Variants in CERS6 observed in about 807,000 individuals in gnomAD.
The protein encoded by CERS6 is ceramide synthase 6.
In CERS6, 26 loss-of-function variants were observed where a neutral mutation model predicts 56.8. The ratio of observed to expected loss-of-function variants is 0.46; its 90% confidence interval spans 0.34 to 0.63. CERS6 has a LOEUF of 0.63. Ranked by LOEUF, CERS6 falls within the 30% of genes least tolerant of loss-of-function variation. CERS6 has a pLI of 0.01. For missense variants in CERS6, 415 were observed against 467.5 expected, an observed-to-expected ratio of 0.89 and a Z score of 1.04; for synonymous variants, 164 against 173.3, an observed-to-expected ratio of 0.95 and a Z score of 0.42.
intron 2 of CERS6, among the ~76,000 whole-genome samples, chr2:168,550,183 T>C (rs1695541695): frequency 1.3e-5 from 2 of 152,196 alleles, no homozygotes; most frequent in Non-Finnish European, 2.9e-5. Context: ...TTGTTTGTTG[T>C]TTTTGGTTTT....
chr2:168,520,339 G>A (rs978342044), intron 1 of CERS6, among the ~76,000 whole-genome samples: 2 of 151,914 alleles, frequency 1.3e-5, no homozygotes, highest in Non-Finnish European at 2.9e-5. Context: ...CTCCTTTGTT[G>A]CGTGCATAGT....
At chr2:168,761,048 C>T (rs1422334726) in intron 8 of CERS6, among the ~76,000 whole-genome samples, 2 of 152,184 alleles carry the variant, frequency 1.3e-5, no homozygotes, top group Admixed American at 1.3e-4. Context: ...TGAGCCACCG[C>T]GCCCGGCCGG....
rs181278520 is a variant in CERS6 at position 168,571,938 on chromosome 2, A to G, written c.407+10616A>G. 1.2e-4 allele frequency among the ~76,000 whole-genome samples: 18 copies of G among 152,306 alleles called. No homozygotes were observed. In the East Asian group the frequency reaches 3.5e-3, roughly 29 times the overall value. ...CTATTTCTTATATTGCCTATTTACA[A>G]TGTCCTAGCAGTGGACAAGGGAGGC... On this transcript the variant is annotated intron_variant, in intron 3 of 9. Coordinates refer to ENST00000305747, the MANE Select transcript of CERS6 (RefSeq NM_203463.3).
intron 1 of CERS6, among the ~76,000 whole-genome samples, chr2:168,520,626 T>TTTTTTTTTTTTTTTTTTTTTTTTTTTTG (rs1694961398): frequency 1.1e-5 from 1 of 93,230 alleles, no homozygotes; most frequent in Non-Finnish European, 2.3e-5. Flanking sequence ...TTTTTTTTTT[T>TTTTTTTTTTTTTTTTTTTTTTTTTTTTG]TGAGAAGCAG....
chr2:168,532,726 T>C (rs1361685319), intron 1 of CERS6, among the ~76,000 whole-genome samples: 2 of 152,204 alleles, frequency 1.3e-5, no homozygotes, highest in Non-Finnish European at 2.9e-5. Flanking sequence ...GCATTAAAAA[T>C]TTGAACTCTC....
intron 6 of CERS6, among the ~76,000 whole-genome samples, chr2:168,714,672 C>T (rs1456862744): frequency 6.6e-6 from 1 of 152,172 alleles, no homozygotes; most frequent in East Asian, 1.9e-4. Context: ...CTGATGTCCT[C>T]CTATCTCCTG....
At chr2:168,609,430 G>A (rs189128477) in intron 3 of CERS6, among the ~76,000 whole-genome samples, 97 of 152,228 alleles carry the variant, frequency 6.4e-4, no homozygotes, top group Non-Finnish European at 1.1e-3. Context: ...TACTAGAAGA[G>A]GAAAGATAAA....
chr2:168,478,134 G>C (rs1038306159), intron 1 of CERS6, among the ~76,000 whole-genome samples: 3 of 151,556 alleles, frequency 2.0e-5, no homozygotes, highest in South Asian at 2.1e-4. Context: ...TTTCCTTAGA[G>C]TACTTTCTCT....
Position 168,588,173 on chromosome 2 carries a change from G to A in CERS6, c.407+26851G>A, listed in dbSNP as rs181495248. Among the ~76,000 whole-genome samples, 712 of 150,392 alleles carry A rather than the reference G, an allele frequency of 4.7e-3. 4 individuals are homozygous for A. The highest frequency in any genetic ancestry group is 8.6e-3 in the Non-Finnish European group (583 of 67,852). Reference sequence around the variant, plus strand: ...GGCCTTAAGTATTCCTCCTGTCTCAGCCTTCCAAAATGTTGGGATTACAGG... The same window carrying A: ...GGCCTTAAGTATTCCTCCTGTCTCAACCTTCCAAAATGTTGGGATTACAGG... On this transcript the variant is annotated intron_variant, in intron 3 of 9. Coordinates refer to ENST00000305747, the MANE Select transcript of CERS6 (RefSeq NM_203463.3).
intron 4 of CERS6, among the ~76,000 whole-genome samples, chr2:168,635,582 A>G (rs1183203031): frequency 6.6e-6 from 1 of 152,358 alleles, no homozygotes. Context: ...GACCGGCAGC[A>G]GTATCTCAAT....
chr2:168,658,998 ATCACACAGTATCCT>A (rs1685561934), intron 4 of CERS6, among the ~76,000 whole-genome samples: 1 of 152,394 alleles, frequency 6.6e-6, no homozygotes, highest in South Asian at 2.1e-4. Context: ...GATACCCTGT[ATCACACAGTATCCT>A]CTTTGTGAGG....
At chr2:168,637,526 T>G (rs1374238415) in intron 4 of CERS6, among the ~76,000 whole-genome samples, 1 of 151,996 alleles carries the variant, frequency 6.6e-6, no homozygotes, top group African/African-American at 2.4e-5. Flanking sequence ...TATGGATGTG[T>G]GAATGTGTGA....
At chr2:168,701,820 A>G (rs957816325) in intron 6 of CERS6, among the ~76,000 whole-genome samples, 2 of 152,206 alleles carry the variant, frequency 1.3e-5, no homozygotes, top group Non-Finnish European at 2.9e-5. Flanking sequence ...TGCCTGGGCA[A>G]CATAGCAAGA....
At chr2:168,530,611 C>T (rs1035125662) in intron 1 of CERS6, among the ~76,000 whole-genome samples, 5 of 152,088 alleles carry the variant, frequency 3.3e-5, no homozygotes, top group African/African-American at 9.7e-5. Flanking sequence ...GAGCTTCATC[C>T]TTTAACAGCT....
intron 8 of CERS6, among the ~76,000 whole-genome samples, chr2:168,740,372 A>C (rs1683858724): frequency 6.6e-6 from 1 of 152,268 alleles, no homozygotes; most frequent in Non-Finnish European, 1.5e-5. Flanking sequence ...AATTCCATTT[A>C]TCCTACAAAT....
intron 8 of CERS6, among the ~76,000 whole-genome samples, chr2:168,755,851 T>G (rs570350988): frequency 6.6e-6 from 1 of 152,196 alleles, no homozygotes; most frequent in Non-Finnish European, 1.5e-5. Flanking sequence ...CTGAGTTAAT[T>G]GATTAGACCC....
intron 3 of CERS6, among the ~76,000 whole-genome samples, chr2:168,595,111 C>A (rs768623884): frequency 1.3e-5 from 2 of 152,192 alleles, no homozygotes; most frequent in Non-Finnish European, 2.9e-5. Context: ...GTTTAGCCCT[C>A]TGTCTTGAAG....
chr2:168,544,562 G>A (rs1558991416), intron 1 of CERS6, among the ~76,000 whole-genome samples: 1 of 152,142 alleles, frequency 6.6e-6, no homozygotes, highest in Non-Finnish European at 1.5e-5. Flanking sequence ...CAGCATTCTG[G>A]GGGTCATTGG....
At chr2:168,561,376 C>T (rs1695786313) in intron 3 of CERS6, 54 bp downstream of exon 3, 1 of 1,603,990 alleles carries the variant, frequency 6.2e-7, no homozygotes, top group Non-Finnish European at 8.5e-7. Flanking sequence ...CATGCCAACC[C>T]TGAGGTGAAA....
Sources: allele counts gnomAD v4.1 joint callset (sites outside exome capture counted in the v4.1 genomes callset), GRCh38; gene constraint gnomAD v4.1.1; transcripts MANE v1.5; gene names NCBI Gene and HGNC (gene_info 2026-07-23, HGNC 2026-07-21).